BRD4: variants seen among roughly 807,000 people sequenced by gnomAD.
BRD4 encodes bromodomain containing 4, also known as bromodomain-containing protein 4.
In BRD4, 16 loss-of-function variants were observed where a neutral mutation model predicts 142.1. The observed-to-expected ratio is 0.11, with a 90% CI of 0.08 to 0.17. The LOEUF is 0.17. BRD4 is among the 10% of genes least tolerant of loss of function. The pLI is 1.00. For missense variants in BRD4, 1,424 were observed against 1,810.9 expected, an observed-to-expected ratio of 0.79 and a Z score of 3.88; for synonymous variants, 833 against 707.5, an observed-to-expected ratio of 1.18 and a Z score of -2.82.
intron 1 of BRD4, among the ~76,000 whole-genome samples, chr19:15,284,584 C>G (rs11883009): frequency 0.025 from 3,774 of 152,282 alleles, 115 homozygotes; most frequent in African/African-American, 0.07. Context: ...ATTAACTTCA[C>G]TTTCAAGCTT....
intron 1 of BRD4, among the ~76,000 whole-genome samples, chr19:15,310,381 G>GAA (rs2047959094): frequency 5.1e-4 from 13 of 25,322 alleles, no homozygotes; most frequent in African/African-American, 1.8e-3. Flanking sequence ...CCCCCCCCCC[G>GAA]AAGGAGTCTC....
rs923589444 is a variant in BRD4 at position 15,332,429 on chromosome 19, G to GGCAGCCGCC, written c.-183_-175dup. 2.7e-5 allele frequency: 4 copies of GGCAGCCGCC among 146,390 alleles called. No homozygotes were observed. The highest frequency in any genetic ancestry group is 3.6e-4 in the South Asian group (2 of 5,620). 9.1% of individuals were successfully genotyped at this position (146,390 alleles called of 1,614,324 possible). ...GCCGCGCTCGCCCGCGGGCACCGCC[G>GGCAGCCGCC]GCAGCCGCCGCAGCCGCTGCCGCCG... On this transcript the variant is annotated 5_prime_UTR_variant, in exon 1 of 20. Coordinates refer to ENST00000679869, the MANE Select transcript of BRD4 (RefSeq NM_001379291.1).
intron 1 of BRD4, among the ~76,000 whole-genome samples, chr19:15,290,115 G>T (rs530359876): frequency 6.6e-6 from 1 of 152,246 alleles, no homozygotes; most frequent in South Asian, 2.1e-4. Context: ...ACAGGTGTGT[G>T]TACTTCTGAA....
chr19:15,270,173 T>C (rs1384833191), intron 2 of BRD4, among the ~76,000 whole-genome samples: 1 of 152,214 alleles, frequency 6.6e-6, no homozygotes, highest in Non-Finnish European at 1.5e-5. Flanking sequence ...GGAGAGGCTG[T>C]TGCAGGGAGA....
rs2047657358 is a variant in BRD4, at chr19:15,277,248, T to C, written c.-34-4115A>G. Among the ~76,000 whole-genome samples the C allele has an allele frequency of 4.6e-5, 7 of 152,294 alleles. No individual in the cohort carries two copies. In the South Asian group the frequency reaches 1.5e-3, roughly 32 times the overall value. On this transcript the variant is annotated intron_variant, in intron 1 of 19. Transcript: ENST00000679869. ...ATAATCGAACTTGATGTCCTACTTT[T>C]GTATCTACTTCCAACAGAAACCCTA...
At chr19:15,278,166 C>G (rs1201926383) in intron 1 of BRD4, among the ~76,000 whole-genome samples, 2 of 138,228 alleles carry the variant, frequency 1.4e-5, no homozygotes, top group Non-Finnish European at 3.1e-5. Context: ...ACAGGAGATG[C>G]AGGTAGTGAC....
intron 1 of BRD4, among the ~76,000 whole-genome samples, chr19:15,331,324 T>A (rs1276872158): frequency 1.3e-5 from 2 of 152,088 alleles, no homozygotes; most frequent in African/African-American, 2.4e-5. Flanking sequence ...CTCAGCCGAG[T>A]GAAGCCATGC....
intron 1 of BRD4, among the ~76,000 whole-genome samples, chr19:15,314,699 G>A (rs1311280784): frequency 6.6e-6 from 1 of 152,146 alleles, no homozygotes; most frequent in Non-Finnish European, 1.5e-5. Flanking sequence ...TCAAAACAGG[G>A]TGACAACAGC....
In BRD4 at chr19:15,238,542, T is replaced by G. The variant is rs2047211878; in HGVS notation, c.4021-97A>C. The G allele has an allele frequency of 2.5e-6, 4 of 1,584,742 alleles. No homozygotes were observed. Among genetic ancestry groups the G allele is most frequent in the Non-Finnish European group, 3.4e-6 (4 of 1,165,580 alleles). ...CTACCAGCAGTCAGCCCCGTAGCCCTCCCCGTGGCTGACCCCTCATAGCGC... is the reference window on the plus strand; with the variant it reads ...CTACCAGCAGTCAGCCCCGTAGCCCGCCCCGTGGCTGACCCCTCATAGCGC... On this transcript the variant is annotated intron_variant, in intron 19 of 19. Coordinates refer to ENST00000679869, the MANE Select transcript of BRD4 (RefSeq NM_001379291.1). This position sits in a 1 kb window ranked among gnomAD's most constrained non-coding sequence, Gnocchi z 7.2.
intron 2 of BRD4, 94 bp from the exon 3 acceptor site, chr19:15,269,136 G>A (rs2047561935): frequency 1.4e-6 from 2 of 1,441,306 alleles, no homozygotes. Flanking sequence ...CTCACCCCTG[G>A]CTGCTCCACA....
chr19:15,239,892 C>T lies in BRD4; in HGVS notation c.3282+18G>A, dbSNP rs2145502767. On this transcript the variant is annotated intron_variant, in intron 15 of 19. Transcript: ENST00000679869. The surrounding 1 kb of genome is among the most constrained non-coding windows in gnomAD (Gnocchi z 7.4). ...CCGGCCCTAGCCCACAGGACTATGG[C>T]CCAGCCCTGCCAGTTACCTGTTTCT... 6.2e-7 allele frequency: 1 copy of T among 1,614,084 alleles called. No homozygotes were observed. The highest frequency in any genetic ancestry group is 1.6e-4 in the Middle Eastern group (1 of 6,062).
chr19:15,304,125 T>C (rs1358457958), intron 1 of BRD4, among the ~76,000 whole-genome samples: 1 of 152,220 alleles, frequency 6.6e-6, no homozygotes, highest in East Asian at 1.9e-4. Flanking sequence ...TTTTTTACAC[T>C]TACCACATAA....
chr19:15,248,935 T>G, intron 11 of BRD4: 1 of 437,278 alleles, frequency 2.3e-6, no homozygotes, highest in Non-Finnish European at 4.2e-6. Flanking sequence ...GCACACAGAG[T>G]AGCACCACAT....
At chr19:15,241,805 CTT>C (rs906788611) in intron 14 of BRD4, among the ~76,000 whole-genome samples, 14 of 104,298 alleles carry the variant, frequency 1.3e-4, no homozygotes, top group Non-Finnish European at 2.3e-4. Context: ...TGGCACCTGA[CTT>C]TTTTTTTTTT....
chr19:15,242,765 G>T, intron 14 of BRD4, 135 bp downstream of exon 14: 3 of 1,376,952 alleles, frequency 2.2e-6, no homozygotes, highest in Non-Finnish European at 2.9e-6. Flanking sequence ...GACCCTTCCA[G>T]GTCCCCCTCC....
intron 1 of BRD4, among the ~76,000 whole-genome samples, chr19:15,288,713 C>T (rs529231777): frequency 2.0e-4 from 30 of 152,352 alleles, no homozygotes; most frequent in South Asian, 8.3e-4. Flanking sequence ...AGGAAGTCAA[C>T]GCCCGAGGGT....
At chr19:15,326,326 T>C (rs757416743) in intron 1 of BRD4, among the ~76,000 whole-genome samples, 40 of 151,542 alleles carry the variant, frequency 2.6e-4, no homozygotes, top group Admixed American at 1.6e-3. Flanking sequence ...TATCCAGGTG[T>C]GGCAGCATGG....
At chr19:15,256,909 G>A in intron 8 of BRD4, 55 bp downstream of exon 8, 1 of 1,456,092 alleles carries the variant, frequency 6.9e-7, no homozygotes, top group Non-Finnish European at 9.2e-7. Context: ...TTCTGGGGAG[G>A]CCACCCTGGT....
Position 15,239,649 on chromosome 19 carries a change from G to A in BRD4, c.3445+10C>T, listed in dbSNP as rs780262620. 2.5e-6 allele frequency: 4 copies of A among 1,572,490 alleles called. No homozygotes were observed. In the Admixed American group the frequency reaches 7.6e-5, roughly 30 times the overall value. On this transcript the variant is annotated intron_variant, in intron 16 of 19. Transcript: ENST00000679869. This position sits in a 1 kb window ranked among gnomAD's most constrained non-coding sequence, Gnocchi z 7.4. Reference sequence around the variant, plus strand: ...CCTGAGCCCTGGCTGTGGGCAGGGAGAGCACTCACGCTGGGGCAGGTGGAC... The same window carrying A: ...CCTGAGCCCTGGCTGTGGGCAGGGAAAGCACTCACGCTGGGGCAGGTGGAC...
Sources: allele counts gnomAD v4.1 joint callset (sites outside exome capture counted in the v4.1 genomes callset), GRCh38; gene constraint gnomAD v4.1.1; non-coding constraint Gnocchi (gnomAD v3.1); transcripts MANE v1.5; gene names NCBI Gene and HGNC (gene_info 2026-07-23, HGNC 2026-07-21).